Variants in PJA2 observed in about 807,000 individuals in gnomAD.
PJA2 encodes E3 ubiquitin-protein ligase Praja-2.
PJA2 carries 25 observed loss-of-function variants against 69.3 expected under a neutral mutation model. The ratio of observed to expected loss-of-function variants is 0.36; its 90% confidence interval spans 0.26 to 0.50. The LOEUF (loss-of-function observed/expected upper bound fraction) is 0.50. PJA2 is among the 20% of genes least tolerant of loss of function. The pLI is 0.96. For missense variants in PJA2, 809 were observed against 830.2 expected, an observed-to-expected ratio of 0.97 and a Z score of 0.31; for synonymous variants, 308 against 277.8, an observed-to-expected ratio of 1.11 and a Z score of -1.08.
chr5:109,394,037 CTCTTT>C (rs1461355460), intron 1 of PJA2, among the ~76,000 whole-genome samples: 134 of 112,140 alleles, frequency 1.2e-3, no homozygotes, highest in African/African-American at 4.3e-3. Context: ...CATTCTAATT[CTCTTT>C]TTTTTTTTTT....
chr5:109,343,104 T>C (rs1762106347), intron 9 of PJA2, among the ~76,000 whole-genome samples: 2 of 108,510 alleles, frequency 1.8e-5, no homozygotes, highest in South Asian at 6.7e-4. Flanking sequence ...ATCGGATGGT[T>C]GCCGTGTCTG....
chr5:109,340,768 A>T (rs1308515522), intron 9 of PJA2, among the ~76,000 whole-genome samples: 1 of 99,642 alleles, frequency 1.0e-5, no homozygotes, highest in Non-Finnish European at 2.4e-5. Context: ...CTCCTGCCTC[A>T]GCCTGCCCAG....
intron 5 of PJA2, among the ~76,000 whole-genome samples, chr5:109,365,056 G>C (rs1762563816): frequency 6.6e-6 from 1 of 152,332 alleles, no homozygotes; most frequent in African/African-American, 2.4e-5. Flanking sequence ...ACTAATTTAA[G>C]TTCTTTGTAG....
At chr5:109,351,718 T>C (rs1450881319) in intron 7 of PJA2, among the ~76,000 whole-genome samples, 1 of 151,996 alleles carries the variant, frequency 6.6e-6, no homozygotes, top group African/African-American at 2.4e-5. Flanking sequence ...CAAAAGCCAC[T>C]ACCTGAAAAC....
chr5:109,356,658 T>C (rs920950262), intron 6 of PJA2, among the ~76,000 whole-genome samples: 3 of 152,212 alleles, frequency 2.0e-5, no homozygotes, highest in Non-Finnish European at 4.4e-5. Context: ...AAAATAACCA[T>C]ATTTATTTTA....
At chr5:109,386,701 T>C (rs1747166839) in intron 1 of PJA2, among the ~76,000 whole-genome samples, 1 of 152,166 alleles carries the variant, frequency 6.6e-6, no homozygotes, top group Non-Finnish European at 1.5e-5. Flanking sequence ...AACAAGTATA[T>C]GTTGGAGGCA....
At chr5:109,366,440 T>G (rs1762586717) in intron 5 of PJA2, among the ~76,000 whole-genome samples, 1 of 152,222 alleles carries the variant, frequency 6.6e-6, no homozygotes, top group Non-Finnish European at 1.5e-5. Context: ...CTCTTGCTTT[T>G]TCTTTTGCTT....
chr5:109,403,458 T>C (rs1747608890), intron 1 of PJA2, among the ~76,000 whole-genome samples: 1 of 151,728 alleles, frequency 6.6e-6, no homozygotes, highest in Non-Finnish European at 1.5e-5. Flanking sequence ...AAACAAATAA[T>C]ACTAATCCTA....
chr5:109,362,780 T>A lies in PJA2; in HGVS notation c.1652+60A>T, dbSNP rs1582600499. The A allele has an allele frequency of 3.2e-5, 46 of 1,431,750 alleles. No individual in the cohort carries two copies. In the East Asian group the frequency reaches 1.1e-3, roughly 33 times the overall value. The allele number at this position is 1,431,750 out of a possible 1,614,324, so 88.7% of individuals were successfully genotyped here. On this transcript the variant is annotated intron_variant, in intron 6 of 9. Coordinates refer to ENST00000361189, the MANE Select transcript of PJA2 (RefSeq NM_014819.5). ...TCAGCTAGCAGAGATTTAATTTTCA[T>A]AAATTAGAATCATGAACTCAGAGCC...
At chr5:109,371,748 T>G (rs112481759) in intron 4 of PJA2, among the ~76,000 whole-genome samples, 98 of 152,360 alleles carry the variant, frequency 6.4e-4, no homozygotes, top group African/African-American at 2.0e-3. Flanking sequence ...AAACAAGCCA[T>G]TTGCCTATCA....
chr5:109,339,354 G>A (rs1215735696), intron 9 of PJA2, among the ~76,000 whole-genome samples: 1 of 152,168 alleles, frequency 6.6e-6, no homozygotes, highest in African/African-American at 2.4e-5. Context: ...TGTTATCCAG[G>A]TGATGGGATA....
At chr5:109,382,296 T>C (rs1227696509) in intron 2 of PJA2, among the ~76,000 whole-genome samples, 1 of 152,146 alleles carries the variant, frequency 6.6e-6, no homozygotes, top group Non-Finnish European at 1.5e-5. Context: ...GTCAAACACA[T>C]ACTACCCTGC....
chr5:109,340,943 T>C (rs1380235857), intron 9 of PJA2, among the ~76,000 whole-genome samples: 3 of 127,298 alleles, frequency 2.4e-5, no homozygotes, highest in Non-Finnish European at 3.6e-5. Context: ...CACTCAGTGC[T>C]CAATGGTGCC....
chr5:109,404,253 G>C (rs943589006), intron 1 of PJA2, among the ~76,000 whole-genome samples: 2 of 151,600 alleles, frequency 1.3e-5, no homozygotes, highest in African/African-American at 4.9e-5. Context: ...GGGCGCGGTG[G>C]CTCACACCTG....
intron 3 of PJA2, among the ~76,000 whole-genome samples, chr5:109,380,959 A>G (rs1462167878): frequency 6.6e-6 from 1 of 152,016 alleles, no homozygotes; most frequent in African/African-American, 2.4e-5. Context: ...TACTAAAAAT[A>G]CAAAAATTAG....
At chr5:109,381,022 CAAG>C (rs1396144881) in intron 3 of PJA2, among the ~76,000 whole-genome samples, 5 of 150,012 alleles carry the variant, frequency 3.3e-5, no homozygotes, top group Non-Finnish European at 5.9e-5. Context: ...GGCTGAGGCA[CAAG>C]AATTGTTTGA....
chr5:109,395,469 G>A (rs1209049927), intron 1 of PJA2, among the ~76,000 whole-genome samples: 1 of 152,208 alleles, frequency 6.6e-6, no homozygotes, highest in Non-Finnish European at 1.5e-5. Context: ...GGAGGCTGAA[G>A]TAAGCCGTGA....
chr5:109,344,566 A>AT, intron 8 of PJA2, 139 bp downstream of exon 8: 1 of 664,262 alleles, frequency 1.5e-6, no homozygotes, highest in Non-Finnish European at 2.5e-6. Context: ...ACTAGGTGAA[A>AT]GTTTGTGAGC....
Position 109,337,281 on chromosome 5 carries a change from G to C in PJA2, c.2077C>G (p.Pro693Ala). 6 of 1,613,662 alleles carry C rather than the reference G, an allele frequency of 3.7e-6. No homozygotes were observed. The highest frequency in any genetic ancestry group is 5.1e-6 in the Non-Finnish European group (6 of 1,179,858). The part of the protein sequence containing the change: ...IEASAAPSSE[P>A]DPDAPPSNDS... ...TTTGAAGGTGGGGCATCAGGATCAG[G>C]CTCAGAGGAAGGAGCTGCAGATGCT... is the stretch of plus-strand genomic sequence containing the variant. Residue 693 changes from proline to alanine, a missense_variant, in exon 10 of 10, where the codon CCT becomes GCT. Coordinates refer to ENST00000361189, the MANE Select transcript of PJA2 (RefSeq NM_014819.5).
Sources: allele counts gnomAD v4.1 joint callset (sites outside exome capture counted in the v4.1 genomes callset), GRCh38; gene constraint gnomAD v4.1.1; transcripts MANE v1.5; gene names NCBI Gene and HGNC (gene_info 2026-07-23, HGNC 2026-07-21).